The following PTPRD variants were observed in gnomAD, a reference collection of about 807,000 sequenced individuals.
PTPRD encodes protein tyrosine phosphatase receptor type D.
Under a neutral mutation model 214.5 loss-of-function variants are expected in PTPRD, and 34 were observed. The ratio of observed to expected loss-of-function variants is 0.16; its 90% CI spans 0.12 to 0.21. The LOEUF is 0.21. Ranked by LOEUF, PTPRD falls within the 10% of genes least tolerant of loss-of-function variation. The pLI, the probability that PTPRD is intolerant of heterozygous loss-of-function variation, is 1.00. For synonymous variants in PTPRD, 1,128 were observed against 845.7 expected (o/e 1.33, Z -5.79); for missense variants, 2,545 against 2,398.7 (o/e 1.06, Z -1.27).
intron 9 of PTPRD, among the ~76,000 whole-genome samples, chr9:9,276,714 G>T (rs188053093): frequency 2.0e-5 from 3 of 151,426 alleles, no homozygotes; most frequent in Admixed American, 1.3e-4. Flanking sequence ...TGAGAAAATG[G>T]TGCTAAGGCC....
chr9:8,595,284 C>T (rs1197630422), intron 14 of PTPRD, among the ~76,000 whole-genome samples: 7 of 151,468 alleles, frequency 4.6e-5, no homozygotes, highest in Non-Finnish European at 8.8e-5. Context: ...GATAAGCTTA[C>T]TCTGAAAAAT....
At chr9:10,152,628 C>A (rs186368514) in intron 3 of PTPRD, among the ~76,000 whole-genome samples, 9 of 152,170 alleles carry the variant, frequency 5.9e-5, no homozygotes, top group African/African-American at 1.7e-4. Context: ...GAGTTTGAGA[C>A]CAGCCTGACC....
At chr9:9,715,702 C>A (rs1411843841) in intron 7 of PTPRD, among the ~76,000 whole-genome samples, 2 of 152,148 alleles carry the variant, frequency 1.3e-5, no homozygotes, top group East Asian at 1.9e-4. Flanking sequence ...TTGTTCCTAA[C>A]AATGAGCTCT....
intron 5 of PTPRD, among the ~76,000 whole-genome samples, chr9:9,886,960 C>A (rs1367999534): frequency 6.6e-6 from 1 of 152,084 alleles, no homozygotes; most frequent in Non-Finnish European, 1.5e-5. Flanking sequence ...TGCATCCACA[C>A]CACTGTCCCC....
At chr9:9,676,680 T>C (rs1488735630) in intron 7 of PTPRD, among the ~76,000 whole-genome samples, 1 of 152,132 alleles carries the variant, frequency 6.6e-6, no homozygotes, top group Admixed American at 6.5e-5. Flanking sequence ...TTTCTAGTTC[T>C]AGATCCCTGA....
chr9:10,451,478 G>T (rs374956405), intron 2 of PTPRD, among the ~76,000 whole-genome samples: 1 of 151,528 alleles, frequency 6.6e-6, no homozygotes, highest in Non-Finnish European at 1.5e-5. Flanking sequence ...GACATCCTTG[G>T]TTTGAATCTT....
At chr9:8,402,193 A>T (rs987414719) in intron 36 of PTPRD, among the ~76,000 whole-genome samples, 1 of 152,220 alleles carries the variant, frequency 6.6e-6, no homozygotes, top group South Asian at 2.1e-4. Context: ...AACCTTTTGC[A>T]TAACACTTAA....
chr9:8,796,320 A>G (rs1258628943), intron 11 of PTPRD, among the ~76,000 whole-genome samples: 1 of 152,196 alleles, frequency 6.6e-6, no homozygotes, highest in Non-Finnish European at 1.5e-5. Context: ...AAAACTGAAC[A>G]GTATTCTATA....
At chr9:8,436,728 A>C in intron 34 of PTPRD, 39 bp from the exon 35 acceptor site, 1 of 1,497,040 alleles carries the variant, frequency 6.7e-7, no homozygotes, top group South Asian at 1.1e-5. Context: ...TTTGAAAACA[A>C]ATGAAAATGA....
chr9:9,899,788 T>C (rs7022342), intron 5 of PTPRD, among the ~76,000 whole-genome samples: 2,156 of 151,864 alleles, frequency 0.014, 59 homozygotes, highest in African/African-American at 0.05. Context: ...AACAAAGATA[T>C]AGAATCAACT....
chr9:9,207,958 A>C (rs1033845964), intron 9 of PTPRD, among the ~76,000 whole-genome samples: 15 of 149,684 alleles, frequency 1.0e-4, no homozygotes, highest in Non-Finnish European at 2.1e-4. Context: ...GGAAGAGACA[A>C]ATACATAGTA....
At chr9:9,679,361 T>C (rs1325031305) in intron 7 of PTPRD, among the ~76,000 whole-genome samples, 1 of 151,782 alleles carries the variant, frequency 6.6e-6, no homozygotes, top group Non-Finnish European at 1.5e-5. Context: ...AGTAACATTG[T>C]TGAATATATA....
chr9:10,067,939 A>C (rs575271413), intron 3 of PTPRD, among the ~76,000 whole-genome samples: 1 of 152,030 alleles, frequency 6.6e-6, no homozygotes, highest in East Asian at 1.9e-4. Flanking sequence ...CTGAACCTGA[A>C]GTTGGGAAGA....
At chr9:9,708,238 TC>T (rs5896346) in intron 7 of PTPRD, among the ~76,000 whole-genome samples, 131,305 of 151,936 alleles carry the variant, frequency 0.86, 57,050 homozygotes, top group African/African-American at 0.95. Flanking sequence ...TTTAGGACAT[TC>T]CATCAGTGAT....
At chr9:9,420,950 T>C (rs937746005) in intron 8 of PTPRD, among the ~76,000 whole-genome samples, 1 of 152,002 alleles carries the variant, frequency 6.6e-6, no homozygotes, top group Non-Finnish European at 1.5e-5. Flanking sequence ...TTTTGTGATA[T>C]CTCTTCAATA....
At chr9:8,597,377 T>C (rs1264805607) in intron 14 of PTPRD, among the ~76,000 whole-genome samples, 1 of 152,186 alleles carries the variant, frequency 6.6e-6, no homozygotes, top group Non-Finnish European at 1.5e-5. Flanking sequence ...GTTTCAGTTC[T>C]ATATTTCCAT....
At chr9:8,684,421 C>G (rs779152431) in intron 12 of PTPRD, among the ~76,000 whole-genome samples, 1 of 151,894 alleles carries the variant, frequency 6.6e-6, no homozygotes, top group Non-Finnish European at 1.5e-5. Flanking sequence ...GATTGGAACC[C>G]AAGTCCCTCT....
chr9:10,157,262 T>C (rs754562943), intron 3 of PTPRD, among the ~76,000 whole-genome samples: 5 of 152,136 alleles, frequency 3.3e-5, no homozygotes, highest in African/African-American at 9.7e-5. Context: ...TTTGTGACAA[T>C]TGATAAAGGT....
At chr9:10,212,677 CCCATAAA>C (rs1356468030) in intron 3 of PTPRD, among the ~76,000 whole-genome samples, 1 of 152,078 alleles carries the variant, frequency 6.6e-6, no homozygotes, top group East Asian at 1.9e-4. Flanking sequence ...TAATCTTTTC[CCCATAAA>C]CCAGGTCACC....
Sources: gnomAD v4.1 joint callset for allele counts (sites outside exome capture counted in the v4.1 genomes callset) on GRCh38, gnomAD v4.1.1 for gene constraint, MANE v1.5 for transcripts, NCBI Gene and HGNC (gene_info 2026-07-23, HGNC 2026-07-21) for gene names.